PTPRM: variants seen among roughly 807,000 people sequenced by gnomAD.
The protein encoded by PTPRM is protein tyrosine phosphatase receptor type M.
Under a neutral mutation model 186.7 loss-of-function variants are expected in PTPRM, and 47 were observed. The observed-to-expected ratio is 0.25, with a 90% CI of 0.20 to 0.32. The LOEUF (loss-of-function observed/expected upper bound fraction) is 0.32, where lower values mean the gene tolerates loss of function less well. PTPRM is among the 10% of genes least tolerant of loss of function. The pLI is 1.00. For missense variants in PTPRM, 1,494 were observed against 1,865.0 expected (o/e 0.80, Z 3.66); for synonymous variants, 668 against 674.9 (o/e 0.99, Z 0.16).
intron 1 of PTPRM, among the ~76,000 whole-genome samples, chr18:7,661,756 T>G (rs2038985704): frequency 1.3e-5 from 2 of 152,212 alleles, no homozygotes; most frequent in Admixed American, 6.5e-5. Context: ...AGACTCCTGG[T>G]GTATACCTTC....
intron 1 of PTPRM, among the ~76,000 whole-genome samples, chr18:7,713,913 A>G (rs2144800666): frequency 6.6e-6 from 1 of 152,258 alleles, no homozygotes; most frequent in African/African-American, 2.4e-5. Context: ...TTAGACTCCC[A>G]CATAGTAATA....
At chr18:7,783,596 G>T (rs992500969) in intron 2 of PTPRM, among the ~76,000 whole-genome samples, 7 of 151,996 alleles carry the variant, frequency 4.6e-5, no homozygotes, top group African/African-American at 1.7e-4. Context: ...TTTAGAGATG[G>T]GGTCTTGCTT....
chr18:7,940,864 C>T (rs1437932035), intron 5 of PTPRM, among the ~76,000 whole-genome samples: 1 of 151,892 alleles, frequency 6.6e-6, no homozygotes. Flanking sequence ...GTCAATATTC[C>T]TAGGTTTGGA....
chr18:7,974,702 A>G (rs944118724), intron 7 of PTPRM, among the ~76,000 whole-genome samples: 3 of 152,190 alleles, frequency 2.0e-5, no homozygotes, highest in Non-Finnish European at 1.5e-5. Context: ...ATAAGGTGAC[A>G]TTTAAAAGCA....
intron 11 of PTPRM, among the ~76,000 whole-genome samples, chr18:8,097,778 TAAGAG>T (rs2091083389): frequency 6.6e-6 from 1 of 152,044 alleles, no homozygotes; most frequent in Admixed American, 6.6e-5. Flanking sequence ...AAGCCTAAGA[TAAGAG>T]AAGTTAAAGA....
In PTPRM at chr18:7,982,709, CA is replaced by C. The variant is rs869092011; in HGVS notation, c.1132+27298del. ...AGATTTCTTTACAGCACCATCACCACAAACACCTCAGTAGTGTGTTGTGCTA... is the reference window on the plus strand; with the variant it reads ...AGATTTCTTTACAGCACCATCACCACAACACCTCAGTAGTGTGTTGTGCTA... On this transcript the variant is annotated intron_variant, in intron 7 of 32. Coordinates refer to ENST00000580170, the MANE Select transcript of PTPRM (RefSeq NM_001105244.2). 2.6e-5 allele frequency among the ~76,000 whole-genome samples: 4 copies of C among 152,252 alleles called. No individual in the cohort carries two copies. In the East Asian group the frequency reaches 7.7e-4, roughly 29 times the overall value.
At chr18:7,844,983 T>G (rs577443982) in intron 2 of PTPRM, among the ~76,000 whole-genome samples, 1 of 152,300 alleles carries the variant, frequency 6.6e-6, no homozygotes, top group African/African-American at 2.4e-5. Flanking sequence ...TCCCTTGAGA[T>G]TCTGCTGAGG....
rs1396186145 is a variant in PTPRM at position 7,866,275 on chromosome 18, C to T, written c.197-21831C>T. Among the ~76,000 whole-genome samples the T allele has an allele frequency of 3.9e-5, 6 of 151,962 alleles. No homozygotes were observed. In the East Asian group the frequency reaches 9.6e-4, roughly 24 times the overall value. ...GCTTCTCTAGTTCTTTTAATTGTGA[C>T]GTTAGAGTGTCCACTTTGGATCTTT... On this transcript the variant is annotated intron_variant, in intron 2 of 32. Transcript: ENST00000580170.
chr18:8,008,140 G>A (rs576935397), intron 7 of PTPRM, among the ~76,000 whole-genome samples: 368 of 152,274 alleles, frequency 2.4e-3, no homozygotes, highest in Middle Eastern at 0.017. Flanking sequence ...AGTGGCATTG[G>A]GTTGGGGTTA....
chr18:8,289,434 G>GTA (rs1209753135), intron 19 of PTPRM, among the ~76,000 whole-genome samples: 1 of 124,874 alleles, frequency 8.0e-6, no homozygotes, highest in Non-Finnish European at 1.6e-5. Flanking sequence ...GTATATATAT[G>GTA]TATATATACG....
chr18:8,032,057 G>A (rs190221901), intron 7 of PTPRM, among the ~76,000 whole-genome samples: 6 of 152,272 alleles, frequency 3.9e-5, no homozygotes, highest in Admixed American at 6.5e-5. Context: ...ATTAGTCATC[G>A]TTGTTCATAG....
intron 11 of PTPRM, among the ~76,000 whole-genome samples, chr18:8,092,794 G>A (rs1232608368): frequency 6.6e-6 from 1 of 152,060 alleles, no homozygotes; most frequent in African/African-American, 2.4e-5. Flanking sequence ...GCAAGACCCT[G>A]TCTCTACAAA....
intron 7 of PTPRM, among the ~76,000 whole-genome samples, chr18:7,980,571 A>T (rs551757354): frequency 6.6e-6 from 1 of 151,946 alleles, no homozygotes; most frequent in Admixed American, 6.6e-5. Context: ...TTTTGTAGGG[A>T]CTGGGCCTCA....
intron 7 of PTPRM, among the ~76,000 whole-genome samples, chr18:8,035,243 A>G (rs1009875501): frequency 3.3e-5 from 5 of 152,202 alleles, no homozygotes; most frequent in Non-Finnish European, 7.3e-5. Context: ...GCATCTTCAA[A>G]ATTTGGCTTG....
At chr18:7,600,761 C>T (rs1169130769) in intron 1 of PTPRM, among the ~76,000 whole-genome samples, 1 of 152,260 alleles carries the variant, frequency 6.6e-6, no homozygotes, top group South Asian at 2.1e-4. Context: ...CTGCCTGCAC[C>T]GGTAAGCTTG....
chr18:8,363,694 C>A (rs557104994), intron 23 of PTPRM, among the ~76,000 whole-genome samples: 3 of 152,232 alleles, frequency 2.0e-5, no homozygotes, highest in East Asian at 3.9e-4. Context: ...AGATGGGGAA[C>A]AAGCAGTGGA....
intron 19 of PTPRM, among the ~76,000 whole-genome samples, chr18:8,293,176 G>T (rs1050453338): frequency 6.6e-6 from 1 of 152,172 alleles, no homozygotes; most frequent in Admixed American, 6.5e-5. Flanking sequence ...AAAACATTCT[G>T]GGAACTGTAG....
chr18:8,375,959 C>T, intron 24 of PTPRM, 87 bp from the exon 25 acceptor site: 1 of 1,388,264 alleles, frequency 7.2e-7, no homozygotes, highest in Non-Finnish European at 1.0e-6. Flanking sequence ...TACCTGGGGA[C>T]TGTTTCCACT....
intron 1 of PTPRM, among the ~76,000 whole-genome samples, chr18:7,683,675 T>C (rs1449859807): frequency 6.6e-6 from 1 of 152,200 alleles, no homozygotes; most frequent in Non-Finnish European, 1.5e-5. Context: ...GATTAAAGGA[T>C]GGATTTGTTT....
Sources: allele counts gnomAD v4.1 joint callset (sites outside exome capture counted in the v4.1 genomes callset), GRCh38; gene constraint gnomAD v4.1.1; transcripts MANE v1.5; gene names NCBI Gene and HGNC (gene_info 2026-07-23, HGNC 2026-07-21).